Variants in MBD5 observed in about 807,000 individuals in gnomAD.
MBD5 encodes the protein methyl-CpG-binding domain protein 5.
In MBD5, 13 loss-of-function variants were observed where a neutral mutation model predicts 117.3. That is an observed-to-expected ratio of 0.11 (90% CI 0.07 to 0.18). MBD5 has a LOEUF of 0.18. Among genes scored for constraint, MBD5 ranks in the 10% least tolerant of loss-of-function variants. The probability of loss-of-function intolerance (pLI) is 1.00; values close to 1 mark genes in which losing one functional copy is unlikely to be tolerated. For missense variants in MBD5, 1,879 were observed against 2,093.8 expected (o/e 0.90, Z 2.00); for synonymous variants, 727 against 766.4 (o/e 0.95, Z 0.85).
chr2:148,053,770 A>G (rs1694781780), intron 1 of MBD5, among the ~76,000 whole-genome samples: 1 of 151,822 alleles, frequency 6.6e-6, no homozygotes, highest in South Asian at 2.1e-4. Flanking sequence ...AATGTATTAT[A>G]ATTTATTTAT....
chr2:148,306,853 G>A (rs902358286), intron 3 of MBD5, among the ~76,000 whole-genome samples: 3 of 152,050 alleles, frequency 2.0e-5, no homozygotes, highest in Non-Finnish European at 4.4e-5. Flanking sequence ...GAGGATTTTG[G>A]CAAAGTCCTA....
At chr2:148,257,099 C>G (rs1354142508) in intron 3 of MBD5, among the ~76,000 whole-genome samples, 1 of 152,224 alleles carries the variant, frequency 6.6e-6, no homozygotes, top group Non-Finnish European at 1.5e-5. Flanking sequence ...AATAACAGAA[C>G]TCAGCTCCCT....
At chr2:148,475,679 A>G (rs1368628383) in intron 8 of MBD5, among the ~76,000 whole-genome samples, 1 of 152,166 alleles carries the variant, frequency 6.6e-6, no homozygotes, top group East Asian at 1.9e-4. Context: ...AGTTCTCTAG[A>G]AGATGCCTAA....
chr2:148,182,119 C>A (rs749262993), intron 2 of MBD5, among the ~76,000 whole-genome samples: 2 of 151,986 alleles, frequency 1.3e-5, no homozygotes, highest in Non-Finnish European at 2.9e-5. Flanking sequence ...CATGTCTCAT[C>A]ATAAAGGAGG....
At chr2:148,103,985 G>C (rs1017774854) in intron 1 of MBD5, among the ~76,000 whole-genome samples, 1 of 152,108 alleles carries the variant, frequency 6.6e-6, no homozygotes, top group African/African-American at 2.4e-5. Context: ...GTGAGAATAT[G>C]AGATTTTGCA....
At chr2:148,330,042 C>T (rs867416201) in intron 3 of MBD5, among the ~76,000 whole-genome samples, 4 of 17,412 alleles carry the variant, frequency 2.3e-4, no homozygotes, top group African/African-American at 7.3e-4. Context: ...AACCCCCCCC[C>T]GCCCCCCCCA....
chr2:148,464,346 T>C (rs945525162), intron 7 of MBD5, among the ~76,000 whole-genome samples: 11 of 152,242 alleles, frequency 7.2e-5, no homozygotes, highest in Admixed American at 5.9e-4. Context: ...TGCTGAAAAC[T>C]TTTTATATCT....
chr2:148,410,465 T>C (rs1323940671), intron 4 of MBD5, among the ~76,000 whole-genome samples: 1 of 152,146 alleles, frequency 6.6e-6, no homozygotes, highest in African/African-American at 2.4e-5. Flanking sequence ...GGTCTCACTC[T>C]TTCACCCAGG....
At position 148,374,240 on chromosome 2, in the gene MBD5, TACACACAC is replaced by T. The variant is rs57110874; in HGVS notation, c.-557+31933_-557+31940del. Reference sequence around the variant, plus strand: ...ATTCCAAACTAAATATGTTTATGCATACACACACACACACACACACACACACACACACA... The same window carrying T: ...ATTCCAAACTAAATATGTTTATGCATACACACACACACACACACACACACA... On this transcript the variant is annotated intron_variant, in intron 4 of 13. Coordinates refer to ENST00000642680, the MANE Select transcript of MBD5 (RefSeq NM_001378120.1). 5.9e-3 allele frequency among the ~76,000 whole-genome samples: 833 copies of T among 141,968 alleles called. 14 individuals are homozygous for T. Among genetic ancestry groups the T allele is most frequent in the African/African-American group, 0.019 (732 of 39,078 alleles). The allele number at this position is 141,968 out of a possible 152,430, so 93.1% of individuals were successfully genotyped here. A position where few individuals can be genotyped will look rare whatever the true frequency, so the allele number is the denominator to read the frequency against.
At position 148,469,854 on chromosome 2, in the gene MBD5, G is replaced by T. The variant is rs772127604; in HGVS notation, c.1911G>T (p.Gly637=). The change falls in exon 8 of 14, where the codon GGG becomes GGT. Residue 637 remains glycine, a synonymous_variant. Coordinates refer to ENST00000642680, the MANE Select transcript of MBD5 (RefSeq NM_001378120.1). ...TANMLLPTGE[G]QSGRAALRDK... Reference sequence around the variant, plus strand: ...ACATGCTTCTCCCAACAGGTGAAGGGCAAAGTGGTCGAGCAGCACTAAGAG... The same window carrying T: ...ACATGCTTCTCCCAACAGGTGAAGGTCAAAGTGGTCGAGCAGCACTAAGAG... The T allele has an allele frequency of 1.9e-6, 3 of 1,613,920 alleles. No homozygotes were observed. The highest frequency in any genetic ancestry group is 1.3e-5 in the African/African-American group (1 of 75,010).
At chr2:148,389,742 T>C (rs910301300) in intron 4 of MBD5, among the ~76,000 whole-genome samples, 4 of 152,160 alleles carry the variant, frequency 2.6e-5, no homozygotes, top group Admixed American at 1.3e-4. Context: ...TTTTGAGAAG[T>C]GTCTGTTCAT....
intron 4 of MBD5, among the ~76,000 whole-genome samples, chr2:148,439,739 T>C (rs985561527): frequency 3.5e-4 from 48 of 138,418 alleles, no homozygotes; most frequent in South Asian, 1.1e-3. Context: ...TTCTCTCTCT[T>C]TTTTTTTTTT....
chr2:148,439,953 G>A (rs1301391678), intron 4 of MBD5, among the ~76,000 whole-genome samples: 2 of 151,974 alleles, frequency 1.3e-5, no homozygotes, highest in Non-Finnish European at 2.9e-5. Flanking sequence ...TTGCCAGGCT[G>A]GTCTCAAGCT....
At chr2:148,316,001 A>G (rs1261102123) in intron 3 of MBD5, among the ~76,000 whole-genome samples, 1 of 152,214 alleles carries the variant, frequency 6.6e-6, no homozygotes. Context: ...ACTTAAAATC[A>G]TTGTAGAAGG....
chr2:148,051,675 CAT>C (rs1490370219), intron 1 of MBD5, among the ~76,000 whole-genome samples: 4 of 148,724 alleles, frequency 2.7e-5, no homozygotes, highest in African/African-American at 9.9e-5. Context: ...TATATTTTGT[CAT>C]ATGCTTTTTC....
intron 10 of MBD5, among the ~76,000 whole-genome samples, chr2:148,488,819 G>A (rs926691870): frequency 1.7e-4 from 26 of 152,146 alleles, no homozygotes; most frequent in Admixed American, 3.9e-4. Flanking sequence ...ACTATTGACA[G>A]CATGGGGATG....
At chr2:148,125,777 G>A (rs935971079) in intron 1 of MBD5, among the ~76,000 whole-genome samples, 2 of 152,200 alleles carry the variant, frequency 1.3e-5, no homozygotes, top group African/African-American at 4.8e-5. Context: ...CTGGGACTGT[G>A]TAGCTAACAC....
At chr2:148,086,059 T>C (rs1406758538) in intron 1 of MBD5, among the ~76,000 whole-genome samples, 1 of 152,182 alleles carries the variant, frequency 6.6e-6, no homozygotes, top group African/African-American at 2.4e-5. Flanking sequence ...ACAGAGATGC[T>C]GATGCGTGTG....
intron 2 of MBD5, among the ~76,000 whole-genome samples, chr2:148,199,118 C>T (rs769564989): frequency 4.6e-5 from 7 of 152,210 alleles, no homozygotes; most frequent in East Asian, 1.9e-4. Flanking sequence ...TGAAAACTCT[C>T]GGGCAGGAGC....
Sources: gnomAD v4.1 joint callset for allele counts (sites outside exome capture counted in the v4.1 genomes callset) on GRCh38, gnomAD v4.1.1 for gene constraint, MANE v1.5 for transcripts, NCBI Gene and HGNC (gene_info 2026-07-23, HGNC 2026-07-21) for gene names.